FOXK2: variants seen among roughly 807,000 people sequenced by gnomAD.
The protein encoded by FOXK2 is forkhead box K2, also known as forkhead box protein K2.
Under a neutral mutation model 53.3 loss-of-function variants are expected in FOXK2, and 24 were observed. That is an observed-to-expected ratio of 0.45 (90% CI 0.33 to 0.63). FOXK2 has a LOEUF of 0.63. Among genes scored for constraint, FOXK2 ranks in the 30% least tolerant of loss-of-function variants. FOXK2 has a pLI of 0.03. For missense variants in FOXK2, 952 were observed against 910.5 expected (o/e 1.05, Z -0.59); for synonymous variants, 505 against 407.1 (o/e 1.24, Z -2.89).
chr17:82,571,530 G>A (rs1399963682), intron 3 of FOXK2, among the ~76,000 whole-genome samples, 194 bp from the exon 4 acceptor site: 1 of 152,078 alleles, frequency 6.6e-6, no homozygotes, highest in Non-Finnish European at 1.5e-5. Flanking sequence ...GAACTCAGAG[G>A]GCGGAGACTG....
At chr17:82,564,280 G>A (rs2044830277) in intron 2 of FOXK2, among the ~76,000 whole-genome samples, 1 of 151,834 alleles carries the variant, frequency 6.6e-6, no homozygotes, top group Non-Finnish European at 1.5e-5. Context: ...GTAGAGACGG[G>A]ATTTCACTGT....
At chr17:82,582,496 C>T (rs1216702163) in intron 4 of FOXK2, among the ~76,000 whole-genome samples, 1 of 152,204 alleles carries the variant, frequency 6.6e-6, no homozygotes, top group African/African-American at 2.4e-5. Context: ...GTAAACGTCA[C>T]TCTCTGTCAT....
Position 82,571,889 on chromosome 17 carries a change from T to A in FOXK2, c.909+19T>A. ...CTGGCAGGTAAATGCCTTCAGTTTG[T>A]TGTTAAATAGAGGCTGATGGATACC... On this transcript the variant is annotated intron_variant, in intron 4 of 8. Transcript: ENST00000335255. 2 of 1,535,908 alleles carry A rather than the reference T, an allele frequency of 1.3e-6. No individual in the cohort carries two copies. Among genetic ancestry groups the A allele is most frequent in the Non-Finnish European group, 1.7e-6 (2 of 1,146,024 alleles).
intron 1 of FOXK2, among the ~76,000 whole-genome samples, chr17:82,535,862 C>T (rs1260327147): frequency 6.6e-6 from 1 of 151,792 alleles, no homozygotes; most frequent in African/African-American, 2.4e-5. Context: ...CCCGCCTCAG[C>T]CTCCCGAGTA....
chr17:82,556,098 G>C (rs2144101534), intron 1 of FOXK2, among the ~76,000 whole-genome samples: 1 of 152,186 alleles, frequency 6.6e-6, no homozygotes, highest in Admixed American at 6.5e-5. Context: ...GTATGCAACT[G>C]ATGCATTTTT....
At chr17:82,536,705 A>G (rs1170707022) in intron 1 of FOXK2, among the ~76,000 whole-genome samples, 1 of 152,332 alleles carries the variant, frequency 6.6e-6, no homozygotes, top group African/African-American at 2.4e-5. Flanking sequence ...AGGTCTTCGC[A>G]GAGGGGGCCT....
intron 1 of FOXK2, among the ~76,000 whole-genome samples, chr17:82,555,134 C>G (rs759613115): frequency 6.6e-6 from 1 of 152,192 alleles, no homozygotes; most frequent in Non-Finnish European, 1.5e-5. Context: ...AGCCTAGTGT[C>G]TTCCAGACAC....
chr17:82,594,623 C>T (rs1486430830), intron 8 of FOXK2, among the ~76,000 whole-genome samples: 8 of 152,210 alleles, frequency 5.3e-5, no homozygotes, highest in African/African-American at 1.4e-4. Context: ...TTCCAAAAGC[C>T]GCCCTCTGAA....
chr17:82,547,418 G>GGC (rs2044637092), intron 1 of FOXK2, among the ~76,000 whole-genome samples: 1 of 152,104 alleles, frequency 6.6e-6, no homozygotes, highest in Non-Finnish European at 1.5e-5. Context: ...ATTTGTATTG[G>GGC]GCCACATTCA....
chr17:82,548,683 A>T (rs901373), intron 1 of FOXK2, among the ~76,000 whole-genome samples: 11 of 152,000 alleles, frequency 7.2e-5, no homozygotes, highest in Non-Finnish European at 2.9e-5. Flanking sequence ...GCTACTGCTC[A>T]GCTGAATTAG....
In FOXK2 at chr17:82,582,888, A is replaced by G. The variant is rs749330699; in HGVS notation, c.1057A>G (p.Arg353Gly). ...IEQAFRKRRP[R>G]GVPCFRTPLG... ...ACAGGCTTTTAGGAAACGACGGCCT[A>G]GGGGCGTGCCCTGCTTTAGAACCCC... The change falls in exon 5 of 9, where the codon AGG becomes GGG. Residue 353 changes from arginine (R) to glycine (G), a missense_variant. By Grantham distance (125) the Arg-to-Gly change is moderately radical. Coordinates refer to ENST00000335255, the MANE Select transcript of FOXK2 (RefSeq NM_004514.4). The G allele has an allele frequency of 6.2e-7, 1 of 1,612,190 alleles. No homozygotes were observed. The highest frequency in any genetic ancestry group is 1.7e-5 in the Admixed American group (1 of 59,628).
At chr17:82,540,857 G>A (rs555530721) in intron 1 of FOXK2, among the ~76,000 whole-genome samples, 24 of 152,230 alleles carry the variant, frequency 1.6e-4, no homozygotes, top group African/African-American at 5.1e-4. Context: ...TTTTCCCAGC[G>A]CATCACACCT....
intron 8 of FOXK2, among the ~76,000 whole-genome samples, chr17:82,596,804 T>C (rs181648826): frequency 3.7e-4 from 57 of 152,282 alleles, no homozygotes; most frequent in Non-Finnish European, 6.9e-4. Context: ...TCTCCTTGAT[T>C]TCACGTTTGT....
At chr17:82,587,757 C>T (rs992497218) in intron 8 of FOXK2, among the ~76,000 whole-genome samples, 3 of 152,168 alleles carry the variant, frequency 2.0e-5, no homozygotes, top group African/African-American at 7.2e-5. Flanking sequence ...AGAACCTCCG[C>T]GCCGACACCG....
chr17:82,563,751 C>T (rs6502120), intron 2 of FOXK2, among the ~76,000 whole-genome samples: 110,293 of 132,074 alleles, frequency 0.84, 44,572 homozygotes, highest in Middle Eastern at 0.91. Context: ...TACTCATTCC[C>T]TTTTTTTTTT....
chr17:82,561,910 G>A (rs959234205), intron 1 of FOXK2, among the ~76,000 whole-genome samples: 4 of 152,066 alleles, frequency 2.6e-5, no homozygotes, highest in Admixed American at 1.3e-4. Flanking sequence ...TCTGTTGGGG[G>A]GGGGGGGTGC....
intron 8 of FOXK2, chr17:82,587,489 G>C (rs1036596419): frequency 1.7e-6 from 1 of 583,404 alleles, no homozygotes; most frequent in Non-Finnish European, 3.1e-6. Flanking sequence ...AAAGAGATGA[G>C]AGTTTCTAAT....
At chr17:82,587,860 G>C (rs2045208073) in intron 8 of FOXK2, among the ~76,000 whole-genome samples, 1 of 152,228 alleles carries the variant, frequency 6.6e-6, no homozygotes, top group African/African-American at 2.4e-5. Flanking sequence ...GCCTGGCTCA[G>C]GTGTGGGCTC....
intron 3 of FOXK2, among the ~76,000 whole-genome samples, chr17:82,570,010 C>T (rs1352859669): frequency 9.9e-5 from 15 of 152,018 alleles, no homozygotes; most frequent in Non-Finnish European, 1.5e-5. Flanking sequence ...ATCACGAGGT[C>T]AGGAGATCGA....
Sources: gnomAD v4.1 joint callset for allele counts (sites outside exome capture counted in the v4.1 genomes callset) on GRCh38, gnomAD v4.1.1 for gene constraint, MANE v1.5 for transcripts, NCBI Gene and HGNC (gene_info 2026-07-23, HGNC 2026-07-21) for gene names.